Variants in SV2C observed in about 807,000 individuals in gnomAD.
SV2C encodes the protein solute carrier family 22 member B3.
A neutral mutation model predicts 79.7 loss-of-function variants in SV2C; 49 were observed. The ratio of observed to expected loss-of-function variants is 0.61; its 90% CI spans 0.49 to 0.78. The LOEUF is 0.78. Among genes scored for constraint, SV2C ranks in the 30% least tolerant of loss-of-function variants. SV2C has a pLI of 0.00. For missense variants in SV2C, 833 were observed against 912.9 expected (o/e 0.91, Z 1.13); for synonymous variants, 334 against 333.2 (o/e 1.00, Z -0.03).
intron 4 of SV2C, chr5:76,242,383 G>C: frequency 1.2e-6 from 1 of 851,266 alleles, no homozygotes; most frequent in South Asian, 1.4e-5. Flanking sequence ...GGTCGTTCTC[G>C]CCTCTTCTTC....
the SV2C span, among the ~76,000 whole-genome samples, chr5:75,887,450 T>C: frequency 6.6e-6 from 1 of 151,966 alleles, no homozygotes; most frequent in South Asian, 2.1e-4. Flanking sequence ...AGTGAGATCT[T>C]GTAGTATTTG....
intron 1 of SV2C, chr5:76,091,750 G>C (rs1048755400): frequency 2.0e-5 from 3 of 151,116 alleles, no homozygotes; most frequent in Admixed American, 2.0e-4. Flanking sequence ...TTCCACTCAA[G>C]TACTAATCAG....
the SV2C span, among the ~76,000 whole-genome samples, chr5:75,856,797 G>A: frequency 6.6e-6 from 1 of 151,986 alleles, no homozygotes; most frequent in South Asian, 2.1e-4. Flanking sequence ...CTTTTTAACT[G>A]GATATGATCC....
intron 4 of SV2C, among the ~76,000 whole-genome samples, chr5:76,259,809 T>C (rs986040143): frequency 1.3e-5 from 2 of 152,322 alleles, no homozygotes; most frequent in Admixed American, 6.5e-5. Flanking sequence ...TAGTATTCCA[T>C]GGTGTATATG....
the SV2C span, chr5:75,920,862 T>C: frequency 9.2e-6 from 7 of 759,792 alleles, no homozygotes; most frequent in Admixed American, 1.7e-5. Flanking sequence ...GTGAATCTTA[T>C]TGTAATGGGC....
intron 4 of SV2C, among the ~76,000 whole-genome samples, chr5:76,284,532 G>C (rs1373920724): frequency 2.6e-5 from 4 of 152,178 alleles, no homozygotes; most frequent in African/African-American, 7.2e-5. Context: ...AAGCACCCTG[G>C]ATCCACCTGT....
chr5:76,298,962 G>C (rs1747881251), intron 10 of SV2C, 35 bp downstream of exon 10: 1 of 1,606,150 alleles, frequency 6.2e-7, no homozygotes, highest in African/African-American at 1.3e-5. Context: ...TCTACCTGAG[G>C]CCTCTCCAAA....
chr5:76,151,673 A>C (rs10942757), intron 2 of SV2C, among the ~76,000 whole-genome samples: 62,695 of 151,976 alleles, frequency 0.41, 13,523 homozygotes, highest in Middle Eastern at 0.51. Context: ...CCTTAATACG[A>C]GAGTTCTGAG....
chr5:76,231,449 T>A (rs569928976), intron 4 of SV2C, among the ~76,000 whole-genome samples: 8 of 152,108 alleles, frequency 5.3e-5, no homozygotes, highest in South Asian at 2.1e-4. Flanking sequence ...TATTTTTTTT[T>A]ATTATACTTT....
intron 3 of SV2C, among the ~76,000 whole-genome samples, chr5:76,196,040 G>A (rs1744262196): frequency 6.6e-6 from 1 of 152,102 alleles, no homozygotes; most frequent in Non-Finnish European, 1.5e-5. Context: ...TGAAGAAAAT[G>A]AGGGAAACGG....
At chr5:76,151,396 G>T (rs758901835) in intron 2 of SV2C, among the ~76,000 whole-genome samples, 1 of 152,210 alleles carries the variant, frequency 6.6e-6, no homozygotes, top group Middle Eastern at 3.2e-3. Flanking sequence ...AGTGGTTGAC[G>T]TGTGAGCAGC....
the SV2C span, among the ~76,000 whole-genome samples, chr5:75,853,397 A>G: frequency 2.0e-5 from 3 of 151,764 alleles, no homozygotes; most frequent in African/African-American, 7.3e-5. Flanking sequence ...TCTACTAAAA[A>G]TACAAAAAAC....
At chr5:76,350,410 G>A (rs1749623740) in intron 12 of SV2C, among the ~76,000 whole-genome samples, 1 of 152,174 alleles carries the variant, frequency 6.6e-6, no homozygotes, top group Non-Finnish European at 1.5e-5. Flanking sequence ...TTTTCCTGGG[G>A]CCTCAGGAAA....
At chr5:76,020,365 TC>T in the SV2C span, among the ~76,000 whole-genome samples, 1 of 152,230 alleles carries the variant, frequency 6.6e-6, no homozygotes, top group Non-Finnish European at 1.5e-5. Flanking sequence ...TTGTATGTTT[TC>T]CATTCTTCAC....
chr5:75,969,650 C>T, the SV2C span, among the ~76,000 whole-genome samples: 1 of 152,196 alleles, frequency 6.6e-6, no homozygotes, highest in East Asian at 1.9e-4. Context: ...GCACCCAATA[C>T]AGGAGCACCC....
At chr5:76,287,756 A>G (rs1027014924) in intron 6 of SV2C, among the ~76,000 whole-genome samples, 2 of 152,236 alleles carry the variant, frequency 1.3e-5, no homozygotes, top group African/African-American at 4.8e-5. Flanking sequence ...GGAAGGAACA[A>G]TTGTTTAAAA....
At chr5:76,117,457 A>G (rs1186184363) in intron 1 of SV2C, among the ~76,000 whole-genome samples, 3 of 152,218 alleles carry the variant, frequency 2.0e-5, no homozygotes, top group Non-Finnish European at 4.4e-5. Flanking sequence ...TTCTTTGAAA[A>G]GTAACTAAGC....
chr5:75,906,712 G>C, the SV2C span, among the ~76,000 whole-genome samples: 2 of 152,114 alleles, frequency 1.3e-5, no homozygotes, highest in East Asian at 3.9e-4. Flanking sequence ...CTTCTCCATG[G>C]AAGCTTCCTT....
chr5:76,203,972 T>A lies in SV2C; in HGVS notation c.762-5764T>A, dbSNP rs872631. On this transcript the variant is annotated intron_variant, in intron 3 of 12. Transcript: ENST00000502798. The stretch of plus-strand genomic sequence containing the variant: ...CTCCCATTTCTATCTTTATCACTGA[T>A]AGCAAACATGTGCCTTCTGATCTAT... 3.7e-4 allele frequency among the ~76,000 whole-genome samples: 57 copies of A among 152,350 alleles called. 2 individuals carry two copies. The South Asian group carries it at 7.3e-3, about 19-fold the overall frequency.
Sources: allele counts gnomAD v4.1 joint callset (sites outside exome capture counted in the v4.1 genomes callset), GRCh38; gene constraint gnomAD v4.1.1; transcripts MANE v1.5; gene names NCBI Gene and HGNC (gene_info 2026-07-23, HGNC 2026-07-21).